Variants in FANCI observed in about 807,000 individuals in gnomAD.
FANCI encodes the protein FA complementation group I.
FANCI carries 156 observed loss-of-function variants against 176.1 expected under a neutral mutation model. That is an observed-to-expected ratio of 0.89 (90% CI 0.78 to 1.01). The LOEUF (loss-of-function observed/expected upper bound fraction) is 1.01. Ranked by LOEUF, FANCI falls within the 50% of genes least tolerant of loss-of-function variation. The pLI, the probability that FANCI is intolerant of heterozygous loss-of-function variation, is 0.00. For synonymous variants in FANCI, 613 were observed against 541.7 expected, an observed-to-expected ratio of 1.13 and a Z score of -1.83; for missense variants, 1,678 against 1,534.1, an observed-to-expected ratio of 1.09 and a Z score of -1.57.
In FANCI at chr15:89,247,686, A is replaced by T. The variant is rs201981373; in HGVS notation, c.39A>T (p.Thr13=). The change falls in exon 2 of 38, where the codon ACA becomes ACT. Residue 13 remains threonine, a synonymous_variant. Transcript: ENST00000310775. ...TTTTATCTCTAGCAGCAGAAAAAAC[A>T]GCAGACAAACTGCAAGAATTTCTTC... ...QKILSLAAEK[T]ADKLQEFLQT... 1.9e-5 allele frequency: 30 copies of T among 1,613,932 alleles called. No homozygotes were observed. Among genetic ancestry groups the T allele is most frequent in the Non-Finnish European group, 2.4e-5 (28 of 1,179,978 alleles).
rs2052592763 is a variant in FANCI at position 89,258,592 on chromosome 15, G to A, written c.85-112G>A. The A allele has an allele frequency of 4.9e-6, 4 of 812,452 alleles. No homozygotes were observed. The South Asian group carries it at 5.4e-5, about 11-fold the overall frequency. 50.3% of individuals were successfully genotyped at this position (812,452 alleles called of 1,614,324 possible). On this transcript the variant is annotated intron_variant, in intron 2 of 37. Transcript: ENST00000310775. ...AAAATTATGGTGTTTGTAATACTTG[G>A]CGTCTCTGAATGATCTGAACGTGAC...
chr15:89,300,013 TAGC>T, intron 25 of FANCI, 47 bp downstream of exon 25: 1 of 1,596,594 alleles, frequency 6.3e-7, no homozygotes. Context: ...GGTTTCTCCT[TAGC>T]TCAACCCCTT....
intron 6 of FANCI, among the ~76,000 whole-genome samples, chr15:89,262,834 A>G (rs1022224234): frequency 3.3e-5 from 5 of 152,212 alleles, no homozygotes; most frequent in African/African-American, 1.2e-4. Context: ...CTAATCTACA[A>G]TTGTCAGATT....
At position 89,283,261 on chromosome 15, in the gene FANCI, T is replaced by C. The variant is rs1349464743; in HGVS notation, c.1698+11T>C. On this transcript the variant is annotated intron_variant, in intron 17 of 37. Transcript: ENST00000310775. ...CTCAGTGTCAGTCAGGTAAGGATTATTTACGTTAACTTGCAGTGTGTGCGT... is the reference window on the plus strand; with the variant it reads ...CTCAGTGTCAGTCAGGTAAGGATTACTTACGTTAACTTGCAGTGTGTGCGT... The C allele has an allele frequency of 5.0e-6, 8 of 1,613,228 alleles. No individual in the cohort carries two copies. Among genetic ancestry groups the C allele is most frequent in the Non-Finnish European group, 6.8e-6 (8 of 1,179,286 alleles).
intron 2 of FANCI, among the ~76,000 whole-genome samples, chr15:89,254,017 A>G (rs2052386869): frequency 6.6e-6 from 1 of 152,096 alleles, no homozygotes; most frequent in Non-Finnish European, 1.5e-5. Context: ...ATGTGTATAA[A>G]CATGCATACA....
chr15:89,298,315 A>G (rs986886243), intron 24 of FANCI, among the ~76,000 whole-genome samples: 1 of 152,260 alleles, frequency 6.6e-6, no homozygotes, highest in African/African-American at 2.4e-5. Context: ...AAACAGAATT[A>G]AAGAAGAAAG....
intron 14 of FANCI, among the ~76,000 whole-genome samples, chr15:89,279,141 TTTGTTGTTGTTG>T (rs140164531): frequency 9.9e-5 from 15 of 150,896 alleles, no homozygotes; most frequent in East Asian, 1.9e-4. Context: ...AATTTGCTGT[TTTGTTGTTGTTG>T]TTGTTGTTGT....
intron 2 of FANCI, among the ~76,000 whole-genome samples, chr15:89,248,454 G>GA (rs201402280): frequency 0.011 from 1,739 of 152,260 alleles, 30 homozygotes; most frequent in African/African-American, 0.04. Context: ...TGTAGTTATT[G>GA]AAGGAAGGTG....
rs1373185310 is a variant in FANCI, at chr15:89,305,419, G to A, written c.3255+10G>A. 2 of 1,613,296 alleles carry A rather than the reference G, an allele frequency of 1.2e-6. No individual in the cohort carries two copies. The highest frequency in any genetic ancestry group is 1.7e-6 in the Non-Finnish European group (2 of 1,179,954). ...TGCCCCCACTGTCTGTGTAAGTGTT[G>A]TACCTGAGCCATGGGGAATAGCTTT... is the stretch of plus-strand genomic sequence containing the variant. On this transcript the variant is annotated intron_variant, in intron 30 of 37. Coordinates refer to ENST00000310775, the MANE Select transcript of FANCI (RefSeq NM_001113378.2).
intron 18 of FANCI, among the ~76,000 whole-genome samples, chr15:89,287,375 G>C (rs779525740): frequency 7.9e-5 from 12 of 151,838 alleles, no homozygotes; most frequent in Non-Finnish European, 1.5e-4. Context: ...TCTCTTTCAG[G>C]CTTTATAGAA....
intron 21 of FANCI, 33 bp downstream of exon 21, chr15:89,292,897 T>TG: frequency 6.2e-7 from 1 of 1,614,128 alleles, no homozygotes; most frequent in Non-Finnish European, 8.5e-7. Context: ...TATTGAATGA[T>TG]GGAGTTCTTT....
chr15:89,289,373 C>T (rs1445355627), intron 18 of FANCI, among the ~76,000 whole-genome samples: 1 of 152,074 alleles, frequency 6.6e-6, no homozygotes, highest in Non-Finnish European at 1.5e-5. Flanking sequence ...TCTCGGGTCT[C>T]AGCTCACCAC....
intron 2 of FANCI, among the ~76,000 whole-genome samples, chr15:89,256,221 G>C (rs560568136): frequency 6.6e-6 from 1 of 152,140 alleles, no homozygotes; most frequent in Non-Finnish European, 1.5e-5. Context: ...ATGTTTGATA[G>C]CATCTCTTAC....
chr15:89,250,713 A>AT (rs946277117), intron 2 of FANCI, among the ~76,000 whole-genome samples: 2 of 150,046 alleles, frequency 1.3e-5, no homozygotes, highest in African/African-American at 4.9e-5. Context: ...ATATATATAT[A>AT]AAAATAAAAA....
chr15:89,288,041 G>C (rs1288232165), intron 18 of FANCI, among the ~76,000 whole-genome samples: 1 of 152,200 alleles, frequency 6.6e-6, no homozygotes, highest in African/African-American at 2.4e-5. Context: ...ATGGTACTGA[G>C]AGACTTGCTT....
rs57899063 is a variant in FANCI at position 89,313,019 on chromosome 15, G to A, written c.3720+47G>A. The A allele has an allele frequency of 8.9e-3, 13,886 of 1,555,716 alleles. 399 individuals are homozygous for A. Among genetic ancestry groups the A allele is most frequent in the East Asian group, 0.085 (3,799 of 44,576 alleles). On this transcript the variant is annotated intron_variant, in intron 35 of 37. Coordinates refer to ENST00000310775, the MANE Select transcript of FANCI (RefSeq NM_001113378.2). ...TTAAAATATGCTTGTTGGTGAACCC[G>A]AAAACATGAAGCGGAAGAAGCCAGT...
chr15:89,311,335 C>T (rs2054951285), intron 34 of FANCI, among the ~76,000 whole-genome samples: 1 of 152,286 alleles, frequency 6.6e-6, no homozygotes, highest in Non-Finnish European at 1.5e-5. Flanking sequence ...AGGAGAATCG[C>T]TTGAACCTGG....
chr15:89,280,826 C>T (rs1337038797), intron 14 of FANCI, among the ~76,000 whole-genome samples: 12 of 152,068 alleles, frequency 7.9e-5, no homozygotes, highest in African/African-American at 2.9e-4. Flanking sequence ...GACCATATTA[C>T]GCTTGTGCAT....
intron 23 of FANCI, among the ~76,000 whole-genome samples, chr15:89,294,201 T>C (rs2054169099): frequency 6.6e-6 from 1 of 152,134 alleles, no homozygotes; most frequent in Non-Finnish European, 1.5e-5. Context: ...TGAGAAACAG[T>C]GGGCCAATAA....
Sources: gnomAD v4.1 joint callset for allele counts (sites outside exome capture counted in the v4.1 genomes callset) on GRCh38, gnomAD v4.1.1 for gene constraint, MANE v1.5 for transcripts, NCBI Gene and HGNC (gene_info 2026-07-23, HGNC 2026-07-21) for gene names.